The following HMCN1 variants were observed in gnomAD, a reference collection of about 807,000 sequenced individuals.
HMCN1 encodes the protein hemicentin-1.
Under a neutral mutation model 625.9 loss-of-function variants are expected in HMCN1, and 321 were observed. That is an observed-to-expected ratio of 0.51 (90% confidence interval 0.47 to 0.56). HMCN1 has a LOEUF of 0.56. HMCN1 is among the 20% of genes least tolerant of loss of function. HMCN1 has a pLI of 0.00. For missense variants in HMCN1, 6,588 were observed against 6,887.3 expected (o/e 0.96, Z 1.54); for synonymous variants, 2,425 against 2,417.6 (o/e 1.00, Z -0.09).
intron 83 of HMCN1, among the ~76,000 whole-genome samples, chr1:186,129,415 T>A (rs1661810152): frequency 6.6e-6 from 1 of 151,634 alleles, no homozygotes; most frequent in Non-Finnish European, 1.5e-5. Context: ...TTTGTAAATA[T>A]TTATATAATC....
In HMCN1 at chr1:186,151,516, A is replaced by T. The variant is rs1022643161; in HGVS notation, c.14759-90A>T. ...TTGTTTCTGGTATTCAACATTATTT[A>T]GAATTCATCCTTGTGAATAATATGC... On this transcript the variant is annotated intron_variant, in intron 94 of 106. Transcript: ENST00000271588. 13 of 1,395,180 alleles carry T rather than the reference A, an allele frequency of 9.3e-6. No homozygotes were observed. The African/African-American group carries it at 1.4e-4, about 15-fold the overall frequency. 86.4% of individuals were successfully genotyped at this position (1,395,180 alleles called of 1,614,324 possible). A position where few individuals can be genotyped will look rare whatever the true frequency, so the allele number is the denominator to read the frequency against.
chr1:186,037,382 A>G (rs1655903183), intron 36 of HMCN1, among the ~76,000 whole-genome samples: 1 of 152,304 alleles, frequency 6.6e-6, no homozygotes, highest in Admixed American at 6.5e-5. Flanking sequence ...CAGCATTATC[A>G]GTAATTACTT....
chr1:186,045,744 G>T lies in HMCN1; in HGVS notation c.6361G>T (p.Val2121Leu). The change falls in exon 41 of 107, where the codon GTG becomes TTG. Residue 2121 changes from valine (V) to leucine (L), a missense_variant. This residue lies in a region of HMCN1 where 4,628 missense variants were observed against 4,853.1 expected (regional missense o/e 0.95). Coordinates refer to ENST00000271588, the MANE Select transcript of HMCN1 (RefSeq NM_031935.3). Reference protein sequence around the residue: ...QNVSVLISQAVELLCQSDAIP... With the variant: ...QNVSVLISQALELLCQSDAIP... Reference sequence around the variant, plus strand: ...TGTCTCTGTCCTCATTAGCCAAGCTGTGGAATTACTATGTCAAAGTGATGC... The same window carrying T: ...TGTCTCTGTCCTCATTAGCCAAGCTTTGGAATTACTATGTCAAAGTGATGC... 1 of 1,613,288 alleles carries T rather than the reference G, an allele frequency of 6.2e-7. No individual in the cohort carries two copies. Among genetic ancestry groups the T allele is most frequent in the Non-Finnish European group, 8.5e-7 (1 of 1,179,390 alleles).
Position 185,986,928 on chromosome 1 carries a change from A to T in HMCN1, c.2936-504A>T, listed in dbSNP as rs185954663. On this transcript the variant is annotated intron_variant, in intron 19 of 106. Coordinates refer to ENST00000271588, the MANE Select transcript of HMCN1 (RefSeq NM_031935.3). The stretch of plus-strand genomic sequence containing the variant: ...ACCAATGAATTCTTCTTAACAAAAC[A>T]AAACTTTTTATCTAGGTTAAATGTA... Among the ~76,000 whole-genome samples, 677 of 151,886 alleles carry T rather than the reference A, an allele frequency of 4.5e-3. 1 individual carries two copies. The highest frequency in any genetic ancestry group is 0.016 in the African/African-American group (651 of 41,512).
In HMCN1 at chr1:186,144,310, C is replaced by T. The variant is rs747084556; in HGVS notation, c.14062C>T (p.Gln4688Ter). 3 of 1,613,864 alleles carry T rather than the reference C, an allele frequency of 1.9e-6. No homozygotes were observed. Reference sequence around the variant, plus strand: ...GTCCTACTGTGATGGAGCAGAAACACAGATGCAAGTTTGCAATGAAAGAAA... The same window carrying T: ...GTCCTACTGTGATGGAGCAGAAACATAGATGCAAGTTTGCAATGAAAGAAA... ...GGSYCDGAET[Q>*]MQVCNERNCP... Residue 4688 changes from glutamine (Q) to a stop codon, truncating the protein, a stop_gained, in exon 90 of 107, where the codon CAG becomes TAG. Coordinates refer to ENST00000271588, the MANE Select transcript of HMCN1 (RefSeq NM_031935.3). LOFTEE classifies it high-confidence loss of function.
At chr1:185,842,917 A>G (rs1049343274) in intron 1 of HMCN1, among the ~76,000 whole-genome samples, 1 of 152,132 alleles carries the variant, frequency 6.6e-6, no homozygotes, top group Non-Finnish European at 1.5e-5. Flanking sequence ...AAAGTTAGCG[A>G]GCTGCATAGG....
chr1:186,085,966 C>T (rs1251070132), intron 57 of HMCN1, among the ~76,000 whole-genome samples: 1 of 152,126 alleles, frequency 6.6e-6, no homozygotes, highest in Admixed American at 6.6e-5. Context: ...CTCCTTTGTA[C>T]ATTGACAAAA....
chr1:185,924,435 A>G (rs1157510055), intron 8 of HMCN1, among the ~76,000 whole-genome samples: 3 of 151,872 alleles, frequency 2.0e-5, no homozygotes, highest in African/African-American at 7.3e-5. Flanking sequence ...ATAAAATTGT[A>G]TAGTACTATT....
At chr1:185,838,365 A>G (rs751860644) in intron 1 of HMCN1, among the ~76,000 whole-genome samples, 12 of 152,124 alleles carry the variant, frequency 7.9e-5, no homozygotes, top group Non-Finnish European at 1.3e-4. Flanking sequence ...TCTGGCCTCT[A>G]CTAGTGTGTT....
In HMCN1 at chr1:186,190,854, A is replaced by C. The variant is rs992936850; in HGVS notation, c.*976A>C. Reference sequence around the variant, plus strand: ...TATTACCTTAGTGTGCATTTTCTATATAATATCTTGATGGACTCTTTTATA... The same window carrying C: ...TATTACCTTAGTGTGCATTTTCTATCTAATATCTTGATGGACTCTTTTATA... On this transcript the variant is annotated 3_prime_UTR_variant, in exon 107 of 107. Coordinates refer to ENST00000271588, the MANE Select transcript of HMCN1 (RefSeq NM_031935.3). The C allele has an allele frequency of 1.6e-5, 3 of 189,034 alleles. No individual in the cohort carries two copies. The highest frequency in any genetic ancestry group is 6.2e-5 in the Admixed American group (1 of 16,222). 11.7% of individuals were successfully genotyped at this position (189,034 alleles called of 1,614,324 possible).
At chr1:185,857,488 T>TGC (rs923355405) in intron 2 of HMCN1, among the ~76,000 whole-genome samples, 1 of 151,834 alleles carries the variant, frequency 6.6e-6, no homozygotes, top group African/African-American at 2.4e-5. Flanking sequence ...TGTGTGTGTG[T>TGC]GCATGTTTCT....
At chr1:186,054,099 T>A (rs1214017650) in intron 44 of HMCN1, 113 bp downstream of exon 44, 2 of 1,032,748 alleles carry the variant, frequency 1.9e-6, no homozygotes, top group Non-Finnish European at 2.9e-6. Flanking sequence ...TGGTTGTAAC[T>A]ATCATATGAC....
chr1:186,111,117 A>G (rs1276877927), intron 71 of HMCN1, among the ~76,000 whole-genome samples: 4 of 150,264 alleles, frequency 2.7e-5, no homozygotes, highest in African/African-American at 9.9e-5. Context: ...AGTAGCTGGG[A>G]CTACAGGCAC....
chr1:185,844,658 T>A (rs1661700110), intron 1 of HMCN1, among the ~76,000 whole-genome samples: 1 of 152,180 alleles, frequency 6.6e-6, no homozygotes. Context: ...TATATCATCA[T>A]TACATAAGAT....
chr1:186,053,486 G>T (rs1281773985), intron 43 of HMCN1, among the ~76,000 whole-genome samples: 1 of 151,928 alleles, frequency 6.6e-6, no homozygotes, highest in African/African-American at 2.4e-5. Context: ...ACCTGCACTT[G>T]TGCCTCCTGA....
intron 4 of HMCN1, among the ~76,000 whole-genome samples, chr1:185,871,183 C>G (rs903957238): frequency 2.7e-5 from 4 of 148,568 alleles, no homozygotes; most frequent in African/African-American, 1.0e-4. Context: ...GAGCCAAGAT[C>G]GTGCCACTGC....
At chr1:185,803,420 G>A (rs1445740942) in intron 1 of HMCN1, among the ~76,000 whole-genome samples, 1 of 151,900 alleles carries the variant, frequency 6.6e-6, no homozygotes, top group African/African-American at 2.4e-5. Flanking sequence ...ATTTATCTGT[G>A]GAATTCAAGC....
chr1:186,139,568 T>C (rs961992020), intron 89 of HMCN1, among the ~76,000 whole-genome samples: 3 of 152,040 alleles, frequency 2.0e-5, no homozygotes, highest in Non-Finnish European at 2.9e-5. Flanking sequence ...GGTTACTTAC[T>C]GTTGTTTTGT....
intron 2 of HMCN1, among the ~76,000 whole-genome samples, chr1:185,854,467 T>C (rs1662341892): frequency 1.3e-5 from 2 of 152,150 alleles, no homozygotes; most frequent in African/African-American, 4.8e-5. Context: ...CACCAGATGA[T>C]ACCTGGGGGA....
Sources: gnomAD v4.1 joint callset for allele counts (sites outside exome capture counted in the v4.1 genomes callset) on GRCh38, gnomAD v4.1.1 for gene constraint, gnomAD v4.1.1 regional missense constraint, MANE v1.5 for transcripts, NCBI Gene and HGNC (gene_info 2026-07-23, HGNC 2026-07-21) for gene names.